Variants in FBXW10 observed in about 807,000 individuals in gnomAD.
The protein encoded by FBXW10 is F-box and WD repeat domain containing 10.
In FBXW10, 68 loss-of-function variants were observed where a neutral mutation model predicts 113.1. The observed-to-expected ratio is 0.60, with a 90% CI of 0.49 to 0.74. The LOEUF (loss-of-function observed/expected upper bound fraction) is 0.74. Ranked by LOEUF, FBXW10 falls within the 30% of genes least tolerant of loss-of-function variation. The probability of loss-of-function intolerance (pLI) is 0.00; values close to 1 mark genes in which losing one functional copy is unlikely to be tolerated. For missense variants in FBXW10, 753 were observed against 1,284.5 expected (o/e 0.59, Z 6.32); for synonymous variants, 289 against 481.6 (o/e 0.60, Z 5.24).
At chr17:18,766,612 T>C in intron 8 of FBXW10, 102 bp from the exon 9 acceptor site, 1 of 1,407,840 alleles carries the variant, frequency 7.1e-7, no homozygotes, top group Non-Finnish European at 9.7e-7. Flanking sequence ...ATGGGCTTGA[T>C]GAGTCTTTGC....
At chr17:18,749,491 G>T (rs1178018571) in intron 2 of FBXW10, among the ~76,000 whole-genome samples, 4 of 152,024 alleles carry the variant, frequency 2.6e-5, no homozygotes, top group African/African-American at 9.7e-5. Context: ...AGCTTGCAGT[G>T]AGCCGAGATC....
Position 18,744,417 on chromosome 17 carries a change from T to G in FBXW10, c.173T>G (p.Val58Gly), listed in dbSNP as rs752873990. 1.2e-6 allele frequency: 2 copies of G among 1,613,788 alleles called. No homozygotes were observed. Among genetic ancestry groups the G allele is most frequent in the East Asian group, 4.5e-5 (2 of 44,882 alleles). ...INDISQRRFL[V>G]GILKQLNSLY... ...GACATATCACAGAGGAGGTTTCTAG[T>G]TGGCATTCTGAAGCAGTTAAATAGC... The change falls in exon 1 of 14, where the codon GTT (valine) becomes GGT (glycine). Residue 58 changes from valine to glycine, a missense_variant. By Grantham distance (109) the Val-to-Gly change is moderately radical (BLOSUM62 -3). Coordinates refer to ENST00000395665, the MANE Select transcript of FBXW10 (RefSeq NM_001267585.2).
chr17:18,766,291 C>T (rs1007256766), intron 8 of FBXW10, among the ~76,000 whole-genome samples: 35 of 151,962 alleles, frequency 2.3e-4, no homozygotes, highest in African/African-American at 7.7e-4. Context: ...GACAACACTA[C>T]ATGTATGCCA....
intron 7 of FBXW10, 40 bp from the exon 8 acceptor site, chr17:18,764,702 C>T (rs1218768813): frequency 1.2e-6 from 2 of 1,613,692 alleles, no homozygotes; most frequent in Admixed American, 1.7e-5. Context: ...TCCTCTGGGC[C>T]CTCAGGAACT....
chr17:18,751,459 T>C (rs1246975295), intron 5 of FBXW10, among the ~76,000 whole-genome samples: 9 of 152,144 alleles, frequency 5.9e-5, no homozygotes, highest in Admixed American at 5.9e-4. Flanking sequence ...CTTGATCTCC[T>C]GACCTTGTGA....
At chr17:18,777,901 A>T (rs990216455) in intron 13 of FBXW10, among the ~76,000 whole-genome samples, 3 of 152,100 alleles carry the variant, frequency 2.0e-5, no homozygotes, top group African/African-American at 7.2e-5. Flanking sequence ...TGCATTCAAA[A>T]TATGCTCACT....
chr17:18,774,268 C>T (rs1026742794), intron 12 of FBXW10, among the ~76,000 whole-genome samples: 9 of 152,212 alleles, frequency 5.9e-5, no homozygotes, highest in African/African-American at 2.2e-4. Flanking sequence ...GGAATGGTCA[C>T]GCACCAGAGC....
intron 1 of FBXW10, among the ~76,000 whole-genome samples, chr17:18,746,047 T>C (rs71367482): frequency 6.6e-6 from 1 of 152,180 alleles, no homozygotes; most frequent in East Asian, 1.9e-4. Flanking sequence ...GGGAAATCAA[T>C]GTATCATGAG....
At chr17:18,777,155 G>A (rs2035717002) in intron 13 of FBXW10, among the ~76,000 whole-genome samples, 1 of 149,418 alleles carries the variant, frequency 6.7e-6, no homozygotes, top group African/African-American at 2.5e-5. Context: ...TCTGCCTCCT[G>A]AGTTCAAGCG....
At chr17:18,757,105 C>T (rs540735715) in intron 6 of FBXW10, among the ~76,000 whole-genome samples, 135 of 152,144 alleles carry the variant, frequency 8.9e-4, no homozygotes, top group African/African-American at 3.1e-3. Flanking sequence ...CACATATGTA[C>T]ATGTATATAT....
intron 8 of FBXW10, among the ~76,000 whole-genome samples, chr17:18,765,153 C>A (rs1233288190): frequency 1.3e-5 from 2 of 152,098 alleles, no homozygotes; most frequent in African/African-American, 2.4e-5. Flanking sequence ...CTTCAAAGGG[C>A]TCATTGTCTC....
At position 18,744,362 on chromosome 17, in the gene FBXW10, T is replaced by C. The variant is rs2034995560; in HGVS notation, c.118T>C (p.Ser40Pro). 2.5e-6 allele frequency: 4 copies of C among 1,613,722 alleles called. No individual in the cohort carries two copies. The highest frequency in any genetic ancestry group is 8.5e-7 in the Non-Finnish European group (1 of 1,179,846). ...ETCVLAWKIF[S>P]TKEWFCRIND... ...GTGTGTCTTAGCCTGGAAGATCTTC[T>C]CTACCAAAGAGTGGTTCTGCAGGAT... is the stretch of plus-strand genomic sequence containing the variant. Residue 40 changes from serine (S) to proline (P), a missense_variant, in exon 1 of 14, where the codon TCT (serine) becomes CCT (proline). Transcript: ENST00000395665.
Position 18,750,394 on chromosome 17 carries a change from A to G in FBXW10, c.999+257A>G, listed in dbSNP as rs553798905. Among the ~76,000 whole-genome samples, 875 of 151,848 alleles carry G rather than the reference A, an allele frequency of 5.8e-3. 1 individual carries two copies. Among genetic ancestry groups the G allele is most frequent in the African/African-American group, 0.015 (641 of 41,422 alleles). Reference sequence around the variant, plus strand: ...AGCAGAGAGACAGAGCCTTTCCAACACCTCACAAAGCAGAGAACCCCCAGC... The same window carrying G: ...AGCAGAGAGACAGAGCCTTTCCAACGCCTCACAAAGCAGAGAACCCCCAGC... On this transcript the variant is annotated intron_variant, in intron 4 of 13. Coordinates refer to ENST00000395665, the MANE Select transcript of FBXW10 (RefSeq NM_001267585.2).
intron 12 of FBXW10, among the ~76,000 whole-genome samples, chr17:18,773,529 T>TG (rs755693485): frequency 1.1e-3 from 173 of 152,322 alleles, no homozygotes; most frequent in Non-Finnish European, 2.0e-3. Context: ...GGTGCAGGCA[T>TG]GGCCAATGCC....
intron 2 of FBXW10, among the ~76,000 whole-genome samples, chr17:18,749,476 G>A (rs547507052): frequency 2.6e-5 from 4 of 152,238 alleles, no homozygotes; most frequent in African/African-American, 9.6e-5. Context: ...GAACCCGGGA[G>A]GCGGAGCTTG....
intron 5 of FBXW10, among the ~76,000 whole-genome samples, chr17:18,754,777 C>G (rs2035227970): frequency 6.6e-6 from 1 of 152,022 alleles, no homozygotes; most frequent in Non-Finnish European, 1.5e-5. Flanking sequence ...GGCAGGCAGG[C>G]AGGAAGGAAA....
chr17:18,768,050 C>CTTT, intron 9 of FBXW10, among the ~76,000 whole-genome samples: 1 of 148,494 alleles, frequency 6.7e-6, no homozygotes, highest in Admixed American at 6.8e-5. Flanking sequence ...TTCCTTCCTT[C>CTTT]CTTCTTTCTT....
chr17:18,744,860 A>G, intron 1 of FBXW10, 111 bp downstream of exon 1: 1 of 1,541,018 alleles, frequency 6.5e-7, no homozygotes, highest in Non-Finnish European at 8.7e-7. Context: ...CAGAGATTGC[A>G]CAGAACTCAG....
At position 18,772,723 on chromosome 17, in the gene FBXW10, C is replaced by A. The variant is rs771199945; in HGVS notation, c.2278+40C>A. On this transcript the variant is annotated intron_variant, in intron 12 of 13. Coordinates refer to ENST00000395665, the MANE Select transcript of FBXW10 (RefSeq NM_001267585.2). The stretch of plus-strand genomic sequence containing the variant: ...TACCAGCAAGTTCAGTGATAACCCA[C>A]AGAGCAGGTCGGGGTTTGGTGGGGG... 3.8e-6 allele frequency: 6 copies of A among 1,571,310 alleles called. No individual in the cohort carries two copies. In the South Asian group the frequency reaches 7.1e-5, roughly 19 times the overall value.
Sources: gnomAD v4.1 joint callset for allele counts (sites outside exome capture counted in the v4.1 genomes callset) on GRCh38, gnomAD v4.1.1 for gene constraint, MANE v1.5 for transcripts, NCBI Gene and HGNC (gene_info 2026-07-23, HGNC 2026-07-21) for gene names.